The following HS3ST5 variants were observed in gnomAD, a reference collection of about 807,000 sequenced individuals.
The protein encoded by HS3ST5 is heparan sulfate glucosamine 3-O-sulfotransferase 5.
HS3ST5 carries 10 observed loss-of-function variants against 25.4 expected under a neutral mutation model. That is an observed-to-expected ratio of 0.39 (90% confidence interval 0.24 to 0.67). The LOEUF (loss-of-function observed/expected upper bound fraction) is 0.67. HS3ST5 is among the 30% of genes least tolerant of loss of function. HS3ST5 has a pLI of 0.44. For missense variants in HS3ST5, 324 were observed against 420.7 expected (o/e 0.77, Z 2.01); for synonymous variants, 170 against 162.4 (o/e 1.05, Z -0.36).
intron 1 of HS3ST5, among the ~76,000 whole-genome samples, chr6:114,269,642 C>A (rs1367545509): frequency 6.6e-6 from 1 of 152,136 alleles, no homozygotes; most frequent in African/African-American, 2.4e-5. Context: ...AGGGTAGAAA[C>A]CTTAGAAAGG....
At chr6:114,104,030 G>A (rs1316860599) in intron 3 of HS3ST5, among the ~76,000 whole-genome samples, 2 of 151,766 alleles carry the variant, frequency 1.3e-5, no homozygotes, top group Non-Finnish European at 2.9e-5. Context: ...GCACTCTTAA[G>A]TATTTCATTC....
chr6:114,247,499 G>C (rs1404480077), intron 1 of HS3ST5, among the ~76,000 whole-genome samples: 1 of 152,078 alleles, frequency 6.6e-6, no homozygotes, highest in Non-Finnish European at 1.5e-5. Context: ...AGAGTGATTG[G>C]CAGAAATGTT....
intron 3 of HS3ST5, chr6:114,084,709 T>C (rs1333397933): frequency 2.4e-6 from 3 of 1,242,980 alleles, no homozygotes; most frequent in Non-Finnish European, 3.5e-6. Flanking sequence ...CCTGGAAGGC[T>C]GCCTGGATTT....
chr6:114,326,353 G>A (rs1294607158), intron 1 of HS3ST5, among the ~76,000 whole-genome samples: 1 of 152,096 alleles, frequency 6.6e-6, no homozygotes, highest in Non-Finnish European at 1.5e-5. Flanking sequence ...TCACGCCACT[G>A]CACTCCAGCC....
At chr6:114,067,477 C>CA (rs1773521032) in intron 3 of HS3ST5, among the ~76,000 whole-genome samples, 3 of 152,190 alleles carry the variant, frequency 2.0e-5, no homozygotes, top group Admixed American at 2.0e-4. Context: ...AATTGCAATG[C>CA]ACAGGTCATC....
intron 1 of HS3ST5, among the ~76,000 whole-genome samples, chr6:114,293,957 C>T (rs1416025431): frequency 6.6e-6 from 1 of 152,154 alleles, no homozygotes; most frequent in Non-Finnish European, 1.5e-5. Flanking sequence ...AACTGTGGTA[C>T]TTTCTGGAGT....
In HS3ST5 at chr6:114,207,348, A is replaced by G. The variant is rs115337154; in HGVS notation, c.-145+21237T>C. Among the ~76,000 whole-genome samples, 560 of 152,348 alleles carry G rather than the reference A, an allele frequency of 3.7e-3. 2 individuals carry two copies. The highest frequency in any genetic ancestry group is 0.013 in the African/African-American group (541 of 41,570). On this transcript the variant is annotated intron_variant, in intron 2 of 4. Transcript: ENST00000312719. ...GTGGTTTTCAACAATAAAACCAGAG[A>G]CGAGGTGATATATATTATGGACAAA... is the stretch of plus-strand genomic sequence containing the variant.
At chr6:114,083,795 A>G (rs7776443) in intron 3 of HS3ST5, among the ~76,000 whole-genome samples, 5,215 of 152,034 alleles carry the variant, frequency 0.034, 135 homozygotes, top group African/African-American at 0.074. Flanking sequence ...CATTATCTCT[A>G]TTATCTCCGC....
chr6:114,083,068 C>T (rs1259418665), intron 3 of HS3ST5, among the ~76,000 whole-genome samples: 1 of 152,188 alleles, frequency 6.6e-6, no homozygotes, highest in Non-Finnish European at 1.5e-5. Flanking sequence ...AGTGCTATTT[C>T]TTTTGCAGCA....
chr6:114,062,925 G>A, intron 3 of HS3ST5, 48 bp from the exon 4 acceptor site: 2 of 1,114,590 alleles, frequency 1.8e-6, no homozygotes, highest in Non-Finnish European at 2.7e-6. Flanking sequence ...GGCTCTGTTG[G>A]TTGTCACAGA....
chr6:114,120,174 A>C (rs530661273), intron 3 of HS3ST5, among the ~76,000 whole-genome samples: 1 of 152,026 alleles, frequency 6.6e-6, no homozygotes, highest in African/African-American at 2.4e-5. Context: ...AAAACAAAAA[A>C]CAACAAAAAA....
chr6:114,084,710 G>T, intron 3 of HS3ST5: 2 of 1,242,158 alleles, frequency 1.6e-6, no homozygotes, highest in East Asian at 2.3e-5. Context: ...CTGGAAGGCT[G>T]CCTGGATTTG....
chr6:114,181,636 C>A (rs1339400904), intron 2 of HS3ST5, among the ~76,000 whole-genome samples: 1 of 152,104 alleles, frequency 6.6e-6, no homozygotes, highest in Non-Finnish European at 1.5e-5. Flanking sequence ...GTTCTCTAAC[C>A]TTGTATTAAG....
intron 3 of HS3ST5, among the ~76,000 whole-genome samples, chr6:114,118,253 A>G (rs535899256): frequency 1.3e-5 from 2 of 152,272 alleles, no homozygotes; most frequent in East Asian, 3.9e-4. Flanking sequence ...CAGCTTAGCC[A>G]CTTCCACATA....
chr6:114,306,256 T>TATATATATGTAC (rs756494412), intron 1 of HS3ST5, among the ~76,000 whole-genome samples: 7,121 of 115,058 alleles, frequency 0.062, 243 homozygotes, highest in East Asian at 0.091. Flanking sequence ...TATATATATA[T>TATATATATGTAC]ACACACACAC....
chr6:114,156,443 T>C (rs1778701885), intron 3 of HS3ST5, among the ~76,000 whole-genome samples: 1 of 152,244 alleles, frequency 6.6e-6, no homozygotes, highest in Non-Finnish European at 1.5e-5. Context: ...TTTGTAGTTG[T>C]GCTTAAGTTT....
At chr6:114,080,068 C>T (rs111689186) in intron 3 of HS3ST5, among the ~76,000 whole-genome samples, 2,060 of 152,286 alleles carry the variant, frequency 0.014, 46 homozygotes, top group African/African-American at 0.047. Context: ...TGAGCCACCA[C>T]GCTCGGCCTG....
rs115117211 is a variant in HS3ST5, at chr6:114,329,975, C to T, written c.-339+12220G>A. Among the ~76,000 whole-genome samples the T allele has an allele frequency of 8.5e-3, 1,299 of 152,242 alleles. 23 individuals carry two copies. The highest frequency in any genetic ancestry group is 0.03 in the African/African-American group (1,244 of 41,544). On this transcript the variant is annotated intron_variant, in intron 1 of 4. Transcript: ENST00000312719. ...ACTACTTAAATGTATGTTTGAAATA[C>T]AGTCGGCAAAAGACACACACTTGCA...
chr6:114,316,547 A>C (rs1775754831), intron 1 of HS3ST5, among the ~76,000 whole-genome samples: 1 of 152,244 alleles, frequency 6.6e-6, no homozygotes, highest in Admixed American at 6.5e-5. Context: ...AGAGGAGATG[A>C]TTCCAGATAT....
Sources: allele counts gnomAD v4.1 joint callset (sites outside exome capture counted in the v4.1 genomes callset), GRCh38; gene constraint gnomAD v4.1.1; transcripts MANE v1.5; gene names NCBI Gene and HGNC (gene_info 2026-07-23, HGNC 2026-07-21).